NPAS3: variants seen among roughly 807,000 people sequenced by gnomAD.
The protein encoded by NPAS3 is neuronal PAS domain protein 3.
A neutral mutation model predicts 73.1 loss-of-function variants in NPAS3; 14 were observed. That is an observed-to-expected ratio of 0.19 (90% CI 0.13 to 0.30). The LOEUF (loss-of-function observed/expected upper bound fraction) is 0.30, where lower values mean the gene tolerates loss of function less well. NPAS3 is among the 10% of genes least tolerant of loss of function. NPAS3 has a pLI of 1.00. For missense variants in NPAS3, 1,096 were observed against 1,250.0 expected (o/e 0.88, Z 1.86); for synonymous variants, 620 against 541.5 (o/e 1.14, Z -2.01).
At position 33,282,905 on chromosome 14, in the gene NPAS3, G is replaced by A. The variant is rs145443869; in HGVS notation, c.385+67479G>A. Among the ~76,000 whole-genome samples the A allele has an allele frequency of 7.8e-3, 1,183 of 152,228 alleles. 11 individuals are homozygous for A. The highest frequency in any genetic ancestry group is 0.013 in the Non-Finnish European group (917 of 68,012). ...TTTTAAAATCCATTTTAAAGTGGATGCCTTGATTCAAAGACTACAGAAGCC... is the reference window on the plus strand; with the variant it reads ...TTTTAAAATCCATTTTAAAGTGGATACCTTGATTCAAAGACTACAGAAGCC... On this transcript the variant is annotated intron_variant, in intron 3 of 11. Transcript: ENST00000356141.
At chr14:33,456,637 C>T (rs751541148) in intron 4 of NPAS3, among the ~76,000 whole-genome samples, 2 of 152,172 alleles carry the variant, frequency 1.3e-5, no homozygotes, top group Non-Finnish European at 2.9e-5. Flanking sequence ...AGCTTTATAA[C>T]GACTCATATA....
At chr14:33,370,621 C>T (rs1020971267) in intron 4 of NPAS3, among the ~76,000 whole-genome samples, 9 of 152,066 alleles carry the variant, frequency 5.9e-5, no homozygotes, top group South Asian at 2.1e-4. Context: ...CAAAATACAA[C>T]GTCCAGGAAG....
chr14:33,076,857 T>C (rs2041676203), intron 2 of NPAS3, among the ~76,000 whole-genome samples: 1 of 152,270 alleles, frequency 6.6e-6, no homozygotes, highest in African/African-American at 2.4e-5. Flanking sequence ...CTTTTTAATG[T>C]CTATAACTTT....
chr14:33,589,071 C>T (rs142085185), intron 5 of NPAS3, among the ~76,000 whole-genome samples: 7 of 152,290 alleles, frequency 4.6e-5, no homozygotes, highest in South Asian at 2.1e-4. Context: ...ATATACTCTA[C>T]GTTTGTCCTC....
chr14:33,634,570 CA>C (rs1331724678), intron 5 of NPAS3, among the ~76,000 whole-genome samples: 1 of 152,018 alleles, frequency 6.6e-6, no homozygotes, highest in African/African-American at 2.4e-5. Flanking sequence ...CAGAGAGCAC[CA>C]GGAGTAGTAT....
chr14:33,661,634 A>AAGTC (rs1235540877), intron 5 of NPAS3, among the ~76,000 whole-genome samples: 1 of 152,208 alleles, frequency 6.6e-6, no homozygotes, highest in African/African-American at 2.4e-5. Context: ...TTGTATTGAA[A>AAGTC]AGTCAGCTCA....
chr14:33,596,171 G>T (rs1252573768), intron 5 of NPAS3, among the ~76,000 whole-genome samples: 1 of 152,196 alleles, frequency 6.6e-6, no homozygotes, highest in Non-Finnish European at 1.5e-5. Flanking sequence ...CCAAAGGCCT[G>T]CTGCTTGTGA....
intron 7 of NPAS3, among the ~76,000 whole-genome samples, chr14:33,755,323 ACC>A (rs1467890382): frequency 3.9e-5 from 6 of 152,254 alleles, no homozygotes; most frequent in African/African-American, 1.4e-4. Flanking sequence ...CAAGTAATTG[ACC>A]TCCTCATTTT....
At chr14:33,292,582 A>G (rs2042144424) in intron 3 of NPAS3, among the ~76,000 whole-genome samples, 1 of 152,206 alleles carries the variant, frequency 6.6e-6, no homozygotes. Flanking sequence ...CAGAAGGAAA[A>G]GATTGGCCAG....
intron 2 of NPAS3, among the ~76,000 whole-genome samples, chr14:33,182,420 TA>T (rs1219115121): frequency 6.6e-6 from 1 of 152,228 alleles, no homozygotes; most frequent in Non-Finnish European, 1.5e-5. Flanking sequence ...TAGCATAATT[TA>T]TTTTATAGGT....
chr14:33,151,873 C>T (rs1157820072), intron 2 of NPAS3, among the ~76,000 whole-genome samples: 1 of 152,142 alleles, frequency 6.6e-6, no homozygotes, highest in Non-Finnish European at 1.5e-5. Context: ...AGAGAGGCAG[C>T]TGCTACTAGT....
chr14:33,646,171 G>A (rs1054240886), intron 5 of NPAS3, among the ~76,000 whole-genome samples: 3 of 152,068 alleles, frequency 2.0e-5, no homozygotes, highest in Non-Finnish European at 2.9e-5. Context: ...GGACTGGAAG[G>A]CCATCCTGAT....
At chr14:33,773,999 C>T (rs2062734759) in intron 7 of NPAS3, among the ~76,000 whole-genome samples, 1 of 152,090 alleles carries the variant, frequency 6.6e-6, no homozygotes, top group Non-Finnish European at 1.5e-5. Context: ...TTAATAAGGG[C>T]TAATAATGCA....
At chr14:33,534,755 C>T (rs932096677) in intron 4 of NPAS3, among the ~76,000 whole-genome samples, 1 of 152,056 alleles carries the variant, frequency 6.6e-6, no homozygotes, top group Non-Finnish European at 1.5e-5. Context: ...TCCACCGTGA[C>T]CACACAGCGT....
intron 2 of NPAS3, among the ~76,000 whole-genome samples, chr14:33,101,904 C>T (rs1170974666): frequency 6.6e-6 from 1 of 152,080 alleles, no homozygotes; most frequent in Non-Finnish European, 1.5e-5. Context: ...ATATGGCCAG[C>T]ACTATTCACC....
intron 5 of NPAS3, among the ~76,000 whole-genome samples, chr14:33,654,225 CTAAT>C (rs2059080782): frequency 1.3e-5 from 2 of 151,350 alleles, no homozygotes; most frequent in Non-Finnish European, 1.5e-5. Flanking sequence ...AATTAATAAT[CTAAT>C]CAATCAATTA....
intron 1 of NPAS3, among the ~76,000 whole-genome samples, chr14:32,969,360 T>A (rs963868365): frequency 2.0e-5 from 3 of 151,992 alleles, no homozygotes; most frequent in African/African-American, 7.3e-5. Context: ...TACATGAGGG[T>A]GCCAAGTACT....
At position 33,022,391 on chromosome 14, in the gene NPAS3, G is replaced by A. The variant is rs138159224; in HGVS notation, c.51-33514G>A. 1.5e-3 allele frequency among the ~76,000 whole-genome samples: 224 copies of A among 152,244 alleles called. 1 individual carries two copies. The highest frequency in any genetic ancestry group is 4.6e-3 in the African/African-American group (193 of 41,562). On this transcript the variant is annotated intron_variant, in intron 1 of 11. Coordinates refer to ENST00000356141, the Ensembl canonical transcript of NPAS3. ...TAAAAAATATTACTTTTGGCTGGGCGCGGTGGCTCACGCCTGTAATCCCAG... is the reference window on the plus strand; with the variant it reads ...TAAAAAATATTACTTTTGGCTGGGCACGGTGGCTCACGCCTGTAATCCCAG...
chr14:33,710,349 G>A (rs2060782551), intron 6 of NPAS3, among the ~76,000 whole-genome samples: 1 of 152,208 alleles, frequency 6.6e-6, no homozygotes, highest in South Asian at 2.1e-4. Flanking sequence ...CAAATAGCTT[G>A]AGGAATCACT....
Sources: allele counts gnomAD v4.1 joint callset (sites outside exome capture counted in the v4.1 genomes callset), GRCh38; gene constraint gnomAD v4.1.1; transcripts MANE v1.5; gene names NCBI Gene and HGNC (gene_info 2026-07-23, HGNC 2026-07-21).